OR8J1: variants seen among roughly 807,000 people sequenced by gnomAD.
The protein encoded by OR8J1 is olfactory receptor 8J1.
For synonymous variants in OR8J1, 157 were observed against 144.3 expected, an observed-to-expected ratio of 1.09 and a Z score of -0.63; for missense variants, 400 against 373.0, an observed-to-expected ratio of 1.07 and a Z score of -0.60.
At chr11:56,356,206 T>C (rs1420017623) in intron 1 of OR8J1, among the ~76,000 whole-genome samples, 2 of 152,182 alleles carry the variant, frequency 1.3e-5, no homozygotes, top group Admixed American at 6.5e-5. Flanking sequence ...GAAAGTGTTA[T>C]AGAAGGCTTG....
At chr11:56,356,916 T>C (rs947477599) in intron 1 of OR8J1, among the ~76,000 whole-genome samples, 32 of 152,124 alleles carry the variant, frequency 2.1e-4, no homozygotes, top group African/African-American at 7.5e-4. Context: ...GGCACAGCTG[T>C]TAGTTACCCC....
At chr11:56,354,535 C>T (rs991359595) in intron 1 of OR8J1, among the ~76,000 whole-genome samples, 23 of 151,984 alleles carry the variant, frequency 1.5e-4, no homozygotes, top group African/African-American at 4.8e-4. Flanking sequence ...ATTTATGTCT[C>T]CAAAATAGAA....
chr11:56,359,794 A>G (rs1284884308), intron 1 of OR8J1, among the ~76,000 whole-genome samples: 2 of 152,190 alleles, frequency 1.3e-5, no homozygotes, highest in Non-Finnish European at 2.9e-5. Flanking sequence ...GGGTTAGGAT[A>G]GTACCTAGAA....
Position 56,357,914 on chromosome 11 carries a change from G to A in OR8J1, c.-20-2313G>A, listed in dbSNP as rs1852578967. 4.8e-6 allele frequency: 4 copies of A among 829,160 alleles called. No individual in the cohort carries two copies. In the East Asian group the frequency reaches 9.7e-5, roughly 20 times the overall value. The allele number at this position is 829,160 out of a possible 1,614,324, so 51.4% of individuals were successfully genotyped here. A position where few individuals can be genotyped will look rare whatever the true frequency, so the allele number is the denominator to read the frequency against. ...GATTTAATGCAGAAGTACACCGGAA[G>A]GACATCATGGGCCAGAATGTTGCAG... On this transcript the variant is annotated intron_variant, in intron 1 of 1. Transcript: ENST00000533152.
chr11:56,358,043 C>A, intron 1 of OR8J1: 1 of 651,554 alleles, frequency 1.5e-6, no homozygotes, highest in Non-Finnish European at 2.7e-6. Context: ...ATGGAGGAGA[C>A]GTATAAGAAA....
chr11:56,361,009 T>C lies in OR8J1; in HGVS notation c.763T>C (p.Leu255=), dbSNP rs1852631276. ...GGCAGTCACAATTTTTTATGGGACA[T>C]TGCTATTCATGTATGTGCAGCCCCG... ...MMAVTIFYGT[L]LFMYVQPRSN... Residue 255 remains leucine (L), a synonymous_variant, in exon 2 of 2, where the codon TTG becomes CTG. Transcript: ENST00000533152. 4 of 1,497,812 alleles carry C rather than the reference T, an allele frequency of 2.7e-6. No individual in the cohort carries two copies. The highest frequency in any genetic ancestry group is 2.7e-6 in the Non-Finnish European group (3 of 1,129,982). The allele number at this position is 1,497,812 out of a possible 1,614,324, so 92.8% of individuals were successfully genotyped here.
At chr11:56,357,469 A>G (rs138742313) in intron 1 of OR8J1, 11,744 of 868,594 alleles carry the variant, frequency 0.014, 121 homozygotes, top group Non-Finnish European at 0.017. Flanking sequence ...ACACCCAAAT[A>G]CTGGATGATA....
At chr11:56,356,019 A>T (rs899458684) in intron 1 of OR8J1, among the ~76,000 whole-genome samples, 2 of 152,202 alleles carry the variant, frequency 1.3e-5, no homozygotes, top group Non-Finnish European at 2.9e-5. Context: ...AGGGTGAATG[A>T]CCAGAAAAGT....
At chr11:56,358,989 A>G (rs1440458649) in intron 1 of OR8J1, among the ~76,000 whole-genome samples, 2 of 152,016 alleles carry the variant, frequency 1.3e-5, no homozygotes, top group Non-Finnish European at 2.9e-5. Context: ...ATAGTTTTCT[A>G]TTTTTCTTTT....
At position 56,360,722 on chromosome 11, in the gene OR8J1, T is replaced by C. The variant is rs1381104002; in HGVS notation, c.476T>C (p.Val159Ala). The change falls in exon 2 of 2, where the codon GTT (valine) becomes GCT (alanine). Residue 159 changes from valine to alanine, a missense_variant. Val to Ala is a moderately conservative substitution (Grantham distance 64). Coordinates refer to ENST00000533152, the MANE Select transcript of OR8J1 (RefSeq NM_001005205.3). ...YLYGFSTAIVVSSYVFSVSYC... is the reference protein window; with the variant it reads ...YLYGFSTAIVASSYVFSVSYC... ...TATGGCTTTTCTACAGCTATTGTGG[T>C]TTCATCTTATGTATTCTCTGTGTCT... 6.2e-7 allele frequency: 1 copy of C among 1,610,264 alleles called. No homozygotes were observed. Among genetic ancestry groups the C allele is most frequent in the Non-Finnish European group, 8.5e-7 (1 of 1,178,952 alleles).
chr11:56,359,384 A>G (rs1852602359), intron 1 of OR8J1, among the ~76,000 whole-genome samples: 1 of 152,022 alleles, frequency 6.6e-6, no homozygotes, highest in Non-Finnish European at 1.5e-5. Context: ...ATAAAAATCA[A>G]CTGAAAGAGC....
Position 56,361,062 on chromosome 11 carries a change from T to C in OR8J1, c.816T>C (p.Asp272=). ...GTAACCATTCACTGGATACTGATGATAAGATGGCTTCTGTGTTTTACACGT... is the reference window on the plus strand; with the variant it reads ...GTAACCATTCACTGGATACTGATGACAAGATGGCTTCTGTGTTTTACACGT... ...PRSNHSLDTD[D]KMASVFYTLV... Residue 272 remains aspartate (D), a synonymous_variant, in exon 2 of 2, where the codon GAT becomes GAC. Coordinates refer to ENST00000533152, the MANE Select transcript of OR8J1 (RefSeq NM_001005205.3). 3.3e-6 allele frequency: 5 copies of C among 1,507,626 alleles called. No individual in the cohort carries two copies. The highest frequency in any genetic ancestry group is 4.4e-6 in the Non-Finnish European group (5 of 1,136,322). 93.4% of individuals were successfully genotyped at this position (1,507,626 alleles called of 1,614,324 possible). A position where few individuals can be genotyped will look rare whatever the true frequency, so the allele number is the denominator to read the frequency against.
rs770942395 is a variant in OR8J1, at chr11:56,360,459, T to A, written c.213T>A (p.Leu71=). The change falls in exon 2 of 2, where the codon CTT becomes CTA. Residue 71 remains leucine (L), a synonymous_variant. Transcript: ENST00000533152. ...TGCAACATCTGGCTCTCATTAATCT[T>A]GGTAACTCTACTGTCATTGCCCCTA... is the stretch of plus-strand genomic sequence containing the variant. The part of the protein sequence containing the change: ...FFLQHLALIN[L]GNSTVIAPKM... 1 of 1,614,178 alleles carries A rather than the reference T, an allele frequency of 6.2e-7. No homozygotes were observed. The highest frequency in any genetic ancestry group is 1.7e-5 in the Admixed American group (1 of 60,002).
At chr11:56,357,556 C>G (rs1477917836) in intron 1 of OR8J1, 1 of 896,120 alleles carries the variant, frequency 1.1e-6, no homozygotes, top group Non-Finnish European at 1.9e-6. Flanking sequence ...GTCCGCGCGG[C>G]ACATGCACAC....
intron 1 of OR8J1, 102 bp from the exon 2 acceptor site, chr11:56,360,125 A>G (rs1024114245): frequency 2.8e-6 from 2 of 723,264 alleles, no homozygotes; most frequent in Non-Finnish European, 4.4e-6. Context: ...TTAGAGTAAT[A>G]AACAATTCAA....
In OR8J1 at chr11:56,360,352, G is replaced by A; in HGVS notation, c.106G>A (p.Gly36Arg). 1 of 1,614,046 alleles carries A rather than the reference G, an allele frequency of 6.2e-7. No homozygotes were observed. The highest frequency in any genetic ancestry group is 1.3e-5 in the African/African-American group (1 of 75,000). ...CTTCCTGGTCTTTCTGGTGCTCTATGGGCTGACCATGGCAGGGAACCTGGG... is the reference window on the plus strand; with the variant it reads ...CTTCCTGGTCTTTCTGGTGCTCTATAGGCTGACCATGGCAGGGAACCTGGG... ...PLFLVFLVLY[G>R]LTMAGNLGII... The change falls in exon 2 of 2, where the codon GGG (glycine) becomes AGG (arginine). Residue 36 changes from glycine to arginine, a missense_variant. Gly to Arg is a moderately radical substitution (Grantham distance 125). Transcript: ENST00000533152.
chr11:56,358,565 G>A (rs1191926373), intron 1 of OR8J1, among the ~76,000 whole-genome samples: 1 of 151,960 alleles, frequency 6.6e-6, no homozygotes, highest in Admixed American at 6.6e-5. Context: ...TAAAATAAAA[G>A]TTGAAGAAAA....
chr11:56,356,940 C>A (rs1439052332), intron 1 of OR8J1, among the ~76,000 whole-genome samples: 2 of 152,004 alleles, frequency 1.3e-5, no homozygotes, highest in Non-Finnish European at 1.5e-5. Context: ...CAAAATAAAT[C>A]CCCCATCTGT....
chr11:56,356,617 G>A (rs997198459), intron 1 of OR8J1, among the ~76,000 whole-genome samples: 17 of 152,112 alleles, frequency 1.1e-4, no homozygotes, highest in Non-Finnish European at 2.4e-4. Flanking sequence ...AGGAAAACTA[G>A]AGTCTCAAAA....
Sources: allele counts gnomAD v4.1 joint callset (sites outside exome capture counted in the v4.1 genomes callset), GRCh38; gene constraint gnomAD v4.1.1; transcripts MANE v1.5; gene names NCBI Gene and HGNC (gene_info 2026-07-23, HGNC 2026-07-21).